ANKIB1: variants seen among roughly 807,000 people sequenced by gnomAD.
ANKIB1 encodes ankyrin repeat and IBR domain-containing protein 1.
A neutral mutation model predicts 122.1 loss-of-function variants in ANKIB1; 43 were observed. The observed-to-expected ratio is 0.35, with a 90% CI of 0.28 to 0.45. ANKIB1 has a LOEUF of 0.45. Ranked by LOEUF, ANKIB1 falls within the 20% of genes least tolerant of loss-of-function variation. The pLI is 1.00. For missense variants in ANKIB1, 992 were observed against 1,329.5 expected (o/e 0.75, Z 3.95); for synonymous variants, 390 against 442.0 (o/e 0.88, Z 1.48).
intron 5 of ANKIB1, among the ~76,000 whole-genome samples, chr7:92,338,621 A>G (rs924663665): frequency 6.6e-6 from 1 of 151,804 alleles, no homozygotes; most frequent in Non-Finnish European, 1.5e-5. Context: ...AAAAATATCT[A>G]TGTGACTTGG....
rs766583774 is a variant in ANKIB1 at position 92,327,764 on chromosome 7, A to AT, written c.670-11dup. 46 of 1,419,672 alleles carry AT rather than the reference A, an allele frequency of 3.2e-5. No homozygotes were observed. The highest frequency in any genetic ancestry group is 5.4e-5 in the South Asian group (4 of 73,422). The allele number at this position is 1,419,672 out of a possible 1,614,324, so 87.9% of individuals were successfully genotyped here. On this transcript the variant is annotated intron_variant, in intron 4 of 19. Coordinates refer to ENST00000265742, the MANE Select transcript of ANKIB1 (RefSeq NM_019004.2). ...ATGAGTATAATGCCCATTTAACTTT[A>AT]TTTTTTTTCTTTTCAAAGCCATATG... is the stretch of plus-strand genomic sequence containing the variant.
At chr7:92,297,549 C>A (rs1585094458) in intron 2 of ANKIB1, among the ~76,000 whole-genome samples, 1 of 152,282 alleles carries the variant, frequency 6.6e-6, no homozygotes. Flanking sequence ...CACCATGCTG[C>A]TAAGTTCACT....
intron 18 of ANKIB1, among the ~76,000 whole-genome samples, chr7:92,396,959 T>C (rs1302236891): frequency 6.6e-6 from 1 of 152,226 alleles, no homozygotes; most frequent in African/African-American, 2.4e-5. Flanking sequence ...TAGAGATAAA[T>C]TATTTTAATT....
chr7:92,396,319 A>G (rs1469790764), intron 17 of ANKIB1, 46 bp from the exon 18 acceptor site: 1 of 1,076,622 alleles, frequency 9.3e-7, no homozygotes, highest in South Asian at 1.4e-5. Context: ...TTTGCATTTT[A>G]AAAATTGCAT....
At chr7:92,345,206 C>A in intron 7 of ANKIB1, 140 bp downstream of exon 7, 1 of 594,222 alleles carries the variant, frequency 1.7e-6, no homozygotes. Context: ...TTAGACTTTA[C>A]TAGTAAGGAA....
intron 9 of ANKIB1, among the ~76,000 whole-genome samples, chr7:92,358,297 T>A (rs916819220): frequency 6.6e-6 from 1 of 152,208 alleles, no homozygotes; most frequent in Non-Finnish European, 1.5e-5. Context: ...CTGTTACTTC[T>A]TTTTTTATTT....
chr7:92,319,731 G>A, intron 4 of ANKIB1: 1 of 495,108 alleles, frequency 2.0e-6, no homozygotes, highest in Non-Finnish European at 3.5e-6. Context: ...AGGCACCGGA[G>A]TTCTGAGACC....
intron 1 of ANKIB1, among the ~76,000 whole-genome samples, chr7:92,247,053 T>G (rs185645322): frequency 9.2e-5 from 14 of 152,342 alleles, no homozygotes; most frequent in Non-Finnish European, 1.9e-4. Flanking sequence ...TGAGCTGTTT[T>G]TCTGTACGTA....
chr7:92,369,849 A>C (rs1040303299), intron 10 of ANKIB1, among the ~76,000 whole-genome samples: 1 of 152,216 alleles, frequency 6.6e-6, no homozygotes, highest in Non-Finnish European at 1.5e-5. Context: ...GCAGGAAAAA[A>C]ATTTTTAATC....
At chr7:92,259,785 T>C (rs1334528478) in intron 1 of ANKIB1, among the ~76,000 whole-genome samples, 2 of 152,210 alleles carry the variant, frequency 1.3e-5, no homozygotes, top group Non-Finnish European at 2.9e-5. Context: ...CTCTCAGTAG[T>C]GGTAACCCCT....
chr7:92,272,515 A>G (rs1471522489), intron 1 of ANKIB1, among the ~76,000 whole-genome samples: 3 of 152,172 alleles, frequency 2.0e-5, no homozygotes, highest in Admixed American at 1.3e-4. Context: ...AAGAGGTAGG[A>G]AGATTTAGCC....
At chr7:92,275,705 C>T (rs1487097238) in intron 1 of ANKIB1, among the ~76,000 whole-genome samples, 1 of 152,046 alleles carries the variant, frequency 6.6e-6, no homozygotes. Context: ...AACTAAATGG[C>T]GAGACCTCCC....
At chr7:92,354,289 C>A (rs1262688848) in intron 9 of ANKIB1, among the ~76,000 whole-genome samples, 1 of 152,060 alleles carries the variant, frequency 6.6e-6, no homozygotes, top group Non-Finnish European at 1.5e-5. Context: ...TTTTCTCATA[C>A]CCCAAAATAT....
intron 5 of ANKIB1, among the ~76,000 whole-genome samples, chr7:92,337,056 C>A (rs1404548904): frequency 6.6e-6 from 1 of 152,134 alleles, no homozygotes; most frequent in Non-Finnish European, 1.5e-5. Flanking sequence ...TTTCCCATAT[C>A]TTTTATCTGG....
intron 1 of ANKIB1, among the ~76,000 whole-genome samples, chr7:92,279,423 G>A (rs1229321785): frequency 5.3e-5 from 8 of 152,198 alleles, no homozygotes; most frequent in Admixed American, 3.9e-4. Context: ...GAAATATAGA[G>A]TCGATCAGCA....
chr7:92,246,542 A>G (rs768155306), intron 1 of ANKIB1, 23 bp downstream of exon 1: 9 of 517,084 alleles, frequency 1.7e-5, no homozygotes, highest in African/African-American at 9.6e-5. Flanking sequence ...TTCGCGGTAC[A>G]GATGTGTTTG....
intron 5 of ANKIB1, among the ~76,000 whole-genome samples, chr7:92,328,288 A>G (rs990740796): frequency 2.0e-5 from 3 of 152,338 alleles, no homozygotes; most frequent in Middle Eastern, 6.8e-3. Flanking sequence ...TCAATTAAAT[A>G]CCTAAGAATT....
chr7:92,324,560 C>G (rs1458671019), intron 4 of ANKIB1, among the ~76,000 whole-genome samples: 2 of 152,112 alleles, frequency 1.3e-5, no homozygotes, highest in Non-Finnish European at 2.9e-5. Flanking sequence ...AACATCAATG[C>G]TTTCTTTAAA....
chr7:92,371,955 GTGTGTGTGT>G (rs1562795569), intron 11 of ANKIB1, among the ~76,000 whole-genome samples: 2 of 11,160 alleles, frequency 1.8e-4, no homozygotes, highest in South Asian at 2.1e-3. Flanking sequence ...AGAGGGGTGT[GTGTGTGTGT>G]GTGTGTGTGT....
Sources: allele counts gnomAD v4.1 joint callset (sites outside exome capture counted in the v4.1 genomes callset), GRCh38; gene constraint gnomAD v4.1.1; transcripts MANE v1.5; gene names NCBI Gene and HGNC (gene_info 2026-07-23, HGNC 2026-07-21).